The following GAREM1 variants were observed in gnomAD, a reference collection of about 807,000 sequenced individuals.
GAREM1 encodes the protein GRB2 associated regulator of MAPK1 subtype 1, also known as GRB2-associated and regulator of MAPK protein 1.
Under a neutral mutation model 71.3 loss-of-function variants are expected in GAREM1, and 26 were observed. The observed-to-expected ratio is 0.36, with a 90% CI of 0.27 to 0.51. The LOEUF is 0.51. GAREM1 is among the 20% of genes least tolerant of loss of function. The pLI, the probability that GAREM1 is intolerant of heterozygous loss-of-function variation, is 0.95. For missense variants in GAREM1, 1,026 were observed against 1,103.1 expected, an observed-to-expected ratio of 0.93 and a Z score of 0.99; for synonymous variants, 440 against 433.2, an observed-to-expected ratio of 1.02 and a Z score of -0.20.
At chr18:32,320,731 C>A (rs931462947) in intron 2 of GAREM1, among the ~76,000 whole-genome samples, 1 of 152,176 alleles carries the variant, frequency 6.6e-6, no homozygotes, top group African/African-American at 2.4e-5. Flanking sequence ...CTCAACCATT[C>A]TGGGATCTAT....
At chr18:32,444,537 T>C (rs2048769284) in intron 1 of GAREM1, among the ~76,000 whole-genome samples, 1 of 152,186 alleles carries the variant, frequency 6.6e-6, no homozygotes. Context: ...ACTGCATATT[T>C]GGGAGTCACT....
intron 2 of GAREM1, among the ~76,000 whole-genome samples, chr18:32,389,129 G>A (rs1382917154): frequency 6.6e-6 from 1 of 152,066 alleles, no homozygotes; most frequent in South Asian, 2.1e-4. Flanking sequence ...GGGTAAAACC[G>A]GGGAAATGGC....
intron 1 of GAREM1, among the ~76,000 whole-genome samples, chr18:32,397,323 A>G (rs1019600088): frequency 1.3e-5 from 2 of 152,178 alleles, no homozygotes; most frequent in South Asian, 4.1e-4. Flanking sequence ...AAATGTAAAT[A>G]GGCTAAATCC....
chr18:32,370,421 C>CAA lies in GAREM1; in HGVS notation c.262+22472_262+22473dup, dbSNP rs57026913. On this transcript the variant is annotated intron_variant, in intron 2 of 5. Coordinates refer to ENST00000269209, the MANE Select transcript of GAREM1 (RefSeq NM_001242409.2). ...CTGGCAACAGAGCAAAACTCTGTTT[C>CAA]AAAAAAAAAAAAAAAAAGCGTAAGG... 1.2e-3 allele frequency among the ~76,000 whole-genome samples: 85 copies of CAA among 69,156 alleles called. 1 individual carries two copies. The highest frequency in any genetic ancestry group is 2.9e-3 in the South Asian group (6 of 2,088). The allele number at this position is 69,156 out of a possible 152,430, so 45.4% of individuals were successfully genotyped here.
intron 2 of GAREM1, among the ~76,000 whole-genome samples, chr18:32,364,368 T>C (rs1269021739): frequency 6.6e-6 from 1 of 151,776 alleles, no homozygotes; most frequent in Non-Finnish European, 1.5e-5. Flanking sequence ...CCTCCAAAAG[T>C]ATTTACCCCT....
At chr18:32,356,138 T>G (rs1021176334) in intron 2 of GAREM1, among the ~76,000 whole-genome samples, 25 of 152,204 alleles carry the variant, frequency 1.6e-4, no homozygotes, top group Non-Finnish European at 3.5e-4. Flanking sequence ...TGAATCACCA[T>G]GAAGCAGGTC....
intron 2 of GAREM1, among the ~76,000 whole-genome samples, chr18:32,371,643 G>C (rs1439216234): frequency 2.0e-5 from 3 of 152,064 alleles, no homozygotes; most frequent in Admixed American, 1.3e-4. Flanking sequence ...TCTGGCTATA[G>C]AGAGTGGAGC....
chr18:32,329,698 T>G (rs1298608000), intron 2 of GAREM1, among the ~76,000 whole-genome samples: 2 of 84,264 alleles, frequency 2.4e-5, no homozygotes, highest in Admixed American at 2.7e-4. Context: ...AGAGCGAGAC[T>G]CCATTAAAAA....
At chr18:32,286,237 A>G (rs140380410) in intron 4 of GAREM1, among the ~76,000 whole-genome samples, 32 of 152,242 alleles carry the variant, frequency 2.1e-4, no homozygotes, top group African/African-American at 7.7e-4. Flanking sequence ...AACTGTACCA[A>G]AATTTTAGTT....
intron 2 of GAREM1, among the ~76,000 whole-genome samples, chr18:32,365,598 G>T (rs2047922564): frequency 6.6e-6 from 1 of 152,114 alleles, no homozygotes; most frequent in African/African-American, 2.4e-5. Flanking sequence ...TCCATGGATG[G>T]TGACAATGTA....
intron 4 of GAREM1, among the ~76,000 whole-genome samples, chr18:32,276,483 T>C (rs987736528): frequency 2.6e-5 from 4 of 152,210 alleles, no homozygotes; most frequent in African/African-American, 9.6e-5. Context: ...ATAATTAAAA[T>C]ACAATCTGGT....
intron 2 of GAREM1, among the ~76,000 whole-genome samples, chr18:32,356,391 T>C (rs1346630688): frequency 6.6e-6 from 1 of 152,228 alleles, no homozygotes; most frequent in Non-Finnish European, 1.5e-5. Context: ...ACTTTCGCTA[T>C]CACAAAGACA....
rs1175653681 is a variant in GAREM1, at chr18:32,267,286, A to G, written c.*585T>C. ...GATTTGTGTGATTTCTAAGGACAACATATATCCCTTTATCAACATATGACT... is the reference window on the plus strand; with the variant it reads ...GATTTGTGTGATTTCTAAGGACAACGTATATCCCTTTATCAACATATGACT... On this transcript the variant is annotated 3_prime_UTR_variant, in exon 6 of 6. Coordinates refer to ENST00000269209, the MANE Select transcript of GAREM1 (RefSeq NM_001242409.2). 3 of 152,238 alleles carry G rather than the reference A, an allele frequency of 2.0e-5. No individual in the cohort carries two copies. Among genetic ancestry groups the G allele is most frequent in the Admixed American group, 6.5e-5 (1 of 15,278 alleles). 9.4% of individuals were successfully genotyped at this position (152,238 alleles called of 1,614,324 possible). A position where few individuals can be genotyped will look rare whatever the true frequency, so the allele number is the denominator to read the frequency against.
chr18:32,363,017 G>A (rs2047881717), intron 2 of GAREM1, among the ~76,000 whole-genome samples: 1 of 152,070 alleles, frequency 6.6e-6, no homozygotes, highest in African/African-American at 2.4e-5. Flanking sequence ...TGCTTAAATT[G>A]GGGTAAACTA....
At chr18:32,364,001 T>TAC (rs1195606294) in intron 2 of GAREM1, among the ~76,000 whole-genome samples, 3 of 37,574 alleles carry the variant, frequency 8.0e-5, no homozygotes, top group African/African-American at 4.5e-4. Context: ...TATACATATA[T>TAC]ATATATATAT....
chr18:32,398,697 TC>T (rs1301067653), intron 1 of GAREM1, among the ~76,000 whole-genome samples: 2 of 151,858 alleles, frequency 1.3e-5, no homozygotes, highest in African/African-American at 4.8e-5. Flanking sequence ...CCAAAAAAAG[TC>T]CAGGACCAGA....
chr18:32,460,024 T>C (rs1016379132), intron 1 of GAREM1, among the ~76,000 whole-genome samples: 4 of 152,120 alleles, frequency 2.6e-5, no homozygotes, highest in African/African-American at 7.2e-5. Context: ...CTGGTACTTT[T>C]AGATATTTAA....
At chr18:32,421,239 G>A (rs916490266) in intron 1 of GAREM1, among the ~76,000 whole-genome samples, 10 of 152,286 alleles carry the variant, frequency 6.6e-5, no homozygotes, top group African/African-American at 2.4e-4. Flanking sequence ...AAATGTGTGT[G>A]TAAATGCAAA....
At chr18:32,332,020 A>T (rs1329261296) in intron 2 of GAREM1, among the ~76,000 whole-genome samples, 1 of 150,752 alleles carries the variant, frequency 6.6e-6, no homozygotes, top group Non-Finnish European at 1.5e-5. Context: ...TTCGTACAGG[A>T]AGGGTGAAGA....
Sources: allele counts gnomAD v4.1 joint callset (sites outside exome capture counted in the v4.1 genomes callset), GRCh38; gene constraint gnomAD v4.1.1; transcripts MANE v1.5; gene names NCBI Gene and HGNC (gene_info 2026-07-23, HGNC 2026-07-21).